NOL4: variants seen among roughly 807,000 people sequenced by gnomAD.
The protein encoded by NOL4 is nucleolar protein 4, also known as cancer/testis antigen 125.
NOL4 carries 17 observed loss-of-function variants against 75.9 expected under a neutral mutation model. The ratio of observed to expected loss-of-function variants is 0.22; its 90% CI spans 0.15 to 0.34. The LOEUF is 0.34. NOL4 is among the 10% of genes least tolerant of loss of function. The pLI is 1.00. For missense variants in NOL4, 614 were observed against 793.5 expected (o/e 0.77, Z 2.72); for synonymous variants, 292 against 289.9 (o/e 1.01, Z -0.07).
chr18:34,121,421 T>C (rs2080135547), intron 2 of NOL4: 1 of 152,230 alleles, frequency 6.6e-6, no homozygotes, highest in South Asian at 2.1e-4. Context: ...AAGTTTACCT[T>C]TCTTACACAC....
chr18:34,198,290 C>T (rs886150888), intron 1 of NOL4, among the ~76,000 whole-genome samples: 3 of 151,698 alleles, frequency 2.0e-5, no homozygotes, highest in African/African-American at 4.8e-5. Context: ...TTAAATTATA[C>T]GGGATATCTC....
chr18:33,960,175 CATATA>C (rs1027179805), intron 6 of NOL4, among the ~76,000 whole-genome samples: 3 of 151,998 alleles, frequency 2.0e-5, no homozygotes, highest in Non-Finnish European at 2.9e-5. Context: ...AAAATTTCCA[CATATA>C]ATAGAATCTA....
intron 1 of NOL4, among the ~76,000 whole-genome samples, chr18:34,135,493 C>G (rs577390465): frequency 6.6e-6 from 1 of 151,670 alleles, no homozygotes; most frequent in Non-Finnish European, 1.5e-5. Context: ...GTCAGAAGAT[C>G]GAGATCATCC....
At chr18:33,867,897 A>C (rs2063508237) in intron 10 of NOL4, among the ~76,000 whole-genome samples, 1 of 152,140 alleles carries the variant, frequency 6.6e-6, no homozygotes, top group East Asian at 1.9e-4. Context: ...AAGTAAAAAA[A>C]GACCAATGTC....
chr18:34,080,427 T>G (rs1009360256), intron 5 of NOL4, among the ~76,000 whole-genome samples: 4 of 152,170 alleles, frequency 2.6e-5, no homozygotes, highest in African/African-American at 9.7e-5. Flanking sequence ...AACATTCTGT[T>G]GTAAATGACT....
At chr18:33,990,770 A>G (rs1257801081) in intron 6 of NOL4, among the ~76,000 whole-genome samples, 1 of 151,854 alleles carries the variant, frequency 6.6e-6, no homozygotes. Context: ...TCCATCCTAA[A>G]TGGCATCCCT....
At chr18:33,856,705 A>G (rs965695157) in intron 10 of NOL4, among the ~76,000 whole-genome samples, 1 of 152,122 alleles carries the variant, frequency 6.6e-6, no homozygotes, top group African/African-American at 2.4e-5. Flanking sequence ...TAAACAAAGA[A>G]CAAGGTAGTA....
At chr18:33,947,050 G>C (rs1264801260) in intron 8 of NOL4, among the ~76,000 whole-genome samples, 2 of 151,728 alleles carry the variant, frequency 1.3e-5, no homozygotes, top group Non-Finnish European at 3.0e-5. Flanking sequence ...CAGGGCTCAA[G>C]TGTGCAGCAT....
At chr18:33,963,405 T>C (rs770150684) in intron 6 of NOL4, among the ~76,000 whole-genome samples, 3 of 152,300 alleles carry the variant, frequency 2.0e-5, no homozygotes, top group Admixed American at 6.5e-5. Context: ...CAAGTTACTA[T>C]AGGTCTCCAA....
chr18:34,208,166 C>T (rs2036254198), intron 1 of NOL4, among the ~76,000 whole-genome samples: 1 of 152,166 alleles, frequency 6.6e-6, no homozygotes, highest in African/African-American at 2.4e-5. Flanking sequence ...GTGCTGTGTA[C>T]TTGCAGTTGA....
At chr18:34,000,846 A>G (rs1177732051) in intron 6 of NOL4, among the ~76,000 whole-genome samples, 1 of 152,148 alleles carries the variant, frequency 6.6e-6, no homozygotes, top group Non-Finnish European at 1.5e-5. Flanking sequence ...TATTTTTTCT[A>G]CTCAGAAGTA....
intron 9 of NOL4, among the ~76,000 whole-genome samples, chr18:33,901,549 G>C (rs1394384619): frequency 6.6e-6 from 1 of 151,976 alleles, no homozygotes; most frequent in Non-Finnish European, 1.5e-5. Flanking sequence ...TTGATAAATA[G>C]GTGCTGATTG....
intron 6 of NOL4, among the ~76,000 whole-genome samples, chr18:33,992,118 C>A (rs1001380704): frequency 3.3e-5 from 5 of 151,980 alleles, no homozygotes; most frequent in African/African-American, 1.2e-4. Flanking sequence ...TCTCTCCATT[C>A]TGATCTACTT....
At chr18:34,021,950 A>G (rs1264982976) in intron 5 of NOL4, among the ~76,000 whole-genome samples, 1 of 152,020 alleles carries the variant, frequency 6.6e-6, no homozygotes, top group South Asian at 2.1e-4. Context: ...CTTAAAATAC[A>G]AAAATTCGCC....
intron 9 of NOL4, among the ~76,000 whole-genome samples, chr18:33,908,467 T>C (rs925693422): frequency 2.0e-5 from 3 of 152,192 alleles, no homozygotes; most frequent in African/African-American, 7.2e-5. Flanking sequence ...GTAGCAACTT[T>C]TGATGAGCAT....
chr18:33,920,735 G>T (rs1357521923), intron 9 of NOL4, among the ~76,000 whole-genome samples: 2 of 152,178 alleles, frequency 1.3e-5, no homozygotes, highest in Non-Finnish European at 2.9e-5. Flanking sequence ...TAATAGTGTG[G>T]ATTACCTTGA....
intron 1 of NOL4, chr18:34,156,930 A>T (rs1191334569): frequency 6.6e-6 from 1 of 151,926 alleles, no homozygotes; most frequent in Non-Finnish European, 1.5e-5. Flanking sequence ...ACTACACCCC[A>T]CTGTCCCCTT....
chr18:33,903,462 A>C (rs1000177559), intron 9 of NOL4, among the ~76,000 whole-genome samples: 1 of 152,130 alleles, frequency 6.6e-6, no homozygotes, highest in African/African-American at 2.4e-5. Context: ...TGTGCTGTTA[A>C]GTTACAGGGT....
At chr18:34,170,304 A>G (rs1289143388) in intron 1 of NOL4, among the ~76,000 whole-genome samples, 1 of 151,758 alleles carries the variant, frequency 6.6e-6, no homozygotes, top group Non-Finnish European at 1.5e-5. Context: ...CAGCCTCCCG[A>G]GTAGCTGGGA....
Sources: allele counts gnomAD v4.1 joint callset (sites outside exome capture counted in the v4.1 genomes callset), GRCh38; gene constraint gnomAD v4.1.1; transcripts MANE v1.5; gene names NCBI Gene and HGNC (gene_info 2026-07-23, HGNC 2026-07-21).